Variants in SETDB1 observed in about 807,000 individuals in gnomAD.
SETDB1 encodes the protein SET domain bifurcated histone lysine methyltransferase 1.
Under a neutral mutation model 137.4 loss-of-function variants are expected in SETDB1, and 31 were observed. That is an observed-to-expected ratio of 0.23 (90% confidence interval 0.17 to 0.30). The LOEUF (loss-of-function observed/expected upper bound fraction) is 0.30. SETDB1 is among the 10% of genes least tolerant of loss of function. The pLI is 1.00. For missense variants in SETDB1, 1,113 were observed against 1,631.5 expected (o/e 0.68, Z 5.47); for synonymous variants, 548 against 579.9 (o/e 0.95, Z 0.79).
chr1:150,951,659 G>C (rs1243635463), intron 14 of SETDB1, among the ~76,000 whole-genome samples, 178 bp downstream of exon 14: 1 of 151,820 alleles, frequency 6.6e-6, no homozygotes, highest in African/African-American at 2.4e-5. Flanking sequence ...TTTTTTCTTG[G>C]ACCTTCCTTG....
At chr1:150,946,337 A>G (rs1670327541) in intron 9 of SETDB1, among the ~76,000 whole-genome samples, 2 of 151,828 alleles carry the variant, frequency 1.3e-5, no homozygotes, top group Admixed American at 1.3e-4. Context: ...TCTTATACTC[A>G]GTATAGATAT....
rs751003853 is a variant in SETDB1 at position 150,949,107 on chromosome 1, T to C, written c.1268-15T>C. ...GCTATCATCTTCTCAGTGCTCAATT[T>C]CCTTTTTCCTATAGGTGCTGTGAGG... On this transcript the variant is annotated splice_polypyrimidine_tract_variant and intron_variant, in intron 10 of 21. Coordinates refer to ENST00000692827, the MANE Select transcript of SETDB1 (RefSeq NM_001366418.1). 2 of 1,607,348 alleles carry C rather than the reference T, an allele frequency of 1.2e-6. No individual in the cohort carries two copies. Among genetic ancestry groups the C allele is most frequent in the Non-Finnish European group, 1.7e-6 (2 of 1,175,388 alleles).
intron 12 of SETDB1, 80 bp downstream of exon 12, chr1:150,949,605 G>A (rs964627095): frequency 5.5e-6 from 7 of 1,284,032 alleles, no homozygotes; most frequent in South Asian, 4.0e-5. Flanking sequence ...GGCTGTAAGC[G>A]AAGGGCTTAG....
At chr1:150,963,477 A>G in intron 19 of SETDB1, 53 bp from the exon 20 acceptor site, 4 of 1,383,264 alleles carry the variant, frequency 2.9e-6, no homozygotes, top group Admixed American at 1.9e-5. Context: ...TCATGATAGA[A>G]TGTCTGTTCA....
chr1:150,940,075 A>G, intron 4 of SETDB1, 101 bp downstream of exon 4: 1 of 788,350 alleles, frequency 1.3e-6, no homozygotes, highest in Non-Finnish European at 2.2e-6. Context: ...GTATCTAATC[A>G]TTCACCCTGT....
At chr1:150,935,425 GT>G (rs1049808602) in intron 3 of SETDB1, among the ~76,000 whole-genome samples, 5 of 148,506 alleles carry the variant, frequency 3.4e-5, no homozygotes, top group Middle Eastern at 3.5e-3. Flanking sequence ...TTTCTTCATG[GT>G]TTTTTTTTTC....
chr1:150,942,500 ACCT>A, intron 5 of SETDB1, 60 bp from the exon 6 acceptor site: 1 of 1,456,986 alleles, frequency 6.9e-7, no homozygotes, highest in Non-Finnish European at 9.4e-7. Context: ...TACCCTCTTT[ACCT>A]TCCCGTTCTC....
intron 2 of SETDB1, among the ~76,000 whole-genome samples, chr1:150,928,771 T>C (rs1197385199): frequency 6.8e-6 from 1 of 147,902 alleles, no homozygotes; most frequent in Non-Finnish European, 1.5e-5. Context: ...CAGGCCCCAG[T>C]ATGTGACGTT....
chr1:150,958,254 CTTTTTT>C (rs374122454), intron 14 of SETDB1, among the ~76,000 whole-genome samples: 4 of 94,070 alleles, frequency 4.3e-5, no homozygotes, highest in Admixed American at 1.3e-4. Context: ...TTTCTTTTTT[CTTTTTT>C]TTTTTTTTTG....
In SETDB1 at chr1:150,950,910, A is replaced by G. The variant is rs1558022046; in HGVS notation, c.2036A>G (p.Tyr679Cys). 1.9e-6 allele frequency: 3 copies of G among 1,613,886 alleles called. No individual in the cohort carries two copies. The highest frequency in any genetic ancestry group is 2.5e-6 in the Non-Finnish European group (3 of 1,179,980). Residue 679 changes from tyrosine to cysteine, a missense_variant, in exon 13 of 22, where the codon TAT becomes TGT. By Grantham distance (194) the Tyr-to-Cys change is radical (BLOSUM62 -2). Coordinates refer to ENST00000692827, the MANE Select transcript of SETDB1 (RefSeq NM_001366418.1). ...RKFQPYKPFYYILDITYGKED... is the reference protein window; with the variant it reads ...RKFQPYKPFYCILDITYGKED... The stretch of plus-strand genomic sequence containing the variant: ...TTTCAGCCCTATAAGCCTTTTTACT[A>G]TATTTTGGACATCACTTATGGGAAG...
rs749390534 is a variant in SETDB1 at position 150,962,703 on chromosome 1, C to T, written c.3278C>T (p.Ala1093Val). The change falls in exon 18 of 22, where the codon GCT becomes GTT. Residue 1093 changes from alanine to valine, a missense_variant. Coordinates refer to ENST00000692827, the MANE Select transcript of SETDB1 (RefSeq NM_001366418.1). ...CAAAGCCGAAGACTCATGGCTTCTG[C>T]TCAGTCCAACCCTGATGTAAGTCAC... The part of the protein sequence containing the change: ...MHQSRRLMAS[A>V]QSNPDDVLTL... The T allele has an allele frequency of 1.9e-6, 3 of 1,614,022 alleles. No homozygotes were observed. Among genetic ancestry groups the T allele is most frequent in the African/African-American group, 2.7e-5 (2 of 74,896 alleles).
rs1670475589 is a variant in SETDB1, at chr1:150,950,967, T to C, written c.2093T>C (p.Ile698Thr). ...GTTCCCCTATCCTGTGTCAATGAGA[T>C]TGACACAACCCCTCCACCCCAGGTG... ...EDVPLSCVNE[I>T]DTTPPPQVAY... The change falls in exon 13 of 22, where the codon ATT (isoleucine) becomes ACT (threonine). Residue 698 changes from isoleucine to threonine, a missense_variant. By Grantham distance (89) the Ile-to-Thr change is moderately conservative. Coordinates refer to ENST00000692827, the MANE Select transcript of SETDB1 (RefSeq NM_001366418.1). 1.2e-6 allele frequency: 2 copies of C among 1,613,998 alleles called. No individual in the cohort carries two copies. Among genetic ancestry groups the C allele is most frequent in the African/African-American group, 1.3e-5 (1 of 74,898 alleles).
In SETDB1 at chr1:150,929,909, CTA is replaced by C. The variant is rs1310741778; in HGVS notation, c.261-54_261-53del. On this transcript the variant is annotated intron_variant, in intron 2 of 21. Transcript: ENST00000692827. ...AAATATATATACATCGTAATGGATT[CTA>C]TATCTCTTAATTCCTCTACTGGCTT... The C allele has an allele frequency of 1.7e-5, 24 of 1,424,544 alleles. No homozygotes were observed. The African/African-American group carries it at 3.3e-4, about 19-fold the overall frequency. 88.2% of individuals were successfully genotyped at this position (1,424,544 alleles called of 1,614,324 possible).
rs1558029191 is a variant in SETDB1 at position 150,963,978 on chromosome 1, T to C, written c.3673-17T>C. The C allele has an allele frequency of 6.2e-7, 1 of 1,611,182 alleles. No individual in the cohort carries two copies. The highest frequency in any genetic ancestry group is 8.5e-7 in the Non-Finnish European group (1 of 1,177,278). ...AGTTTCCCTGGTTCTTATTTGATCC[T>C]GTCCTTAAACCTACAGCACAGTTGC... On this transcript the variant is annotated splice_polypyrimidine_tract_variant and intron_variant, in intron 20 of 21. Transcript: ENST00000692827.
chr1:150,963,903 G>A, intron 20 of SETDB1, 92 bp from the exon 21 acceptor site: 3 of 1,328,738 alleles, frequency 2.3e-6, no homozygotes, highest in South Asian at 1.2e-5. Context: ...GGGAGGGTCA[G>A]ATGGCATCAT....
chr1:150,929,911 A>C, intron 2 of SETDB1, 56 bp from the exon 3 acceptor site: 2 of 1,451,990 alleles, frequency 1.4e-6, no homozygotes, highest in Middle Eastern at 2.0e-4. Context: ...AATGGATTCT[A>C]TATCTCTTAA....
In SETDB1 at chr1:150,956,258, C is replaced by T. The variant is rs913025319; in HGVS notation, c.2334-2920C>T. ...AAAATTAGCCATGTGCGGTGGCAGG[C>T]GCCTGTAATCCCAGCTACTCCAGAG... On this transcript the variant is annotated intron_variant, in intron 14 of 21. Coordinates refer to ENST00000692827, the MANE Select transcript of SETDB1 (RefSeq NM_001366418.1). 7.3e-5 allele frequency among the ~76,000 whole-genome samples: 11 copies of T among 151,390 alleles called. 1 individual carries two copies. The East Asian group carries it at 1.9e-3, about 27-fold the overall frequency.
At chr1:150,936,129 G>A (rs1340319953) in intron 3 of SETDB1, among the ~76,000 whole-genome samples, 3 of 151,690 alleles carry the variant, frequency 2.0e-5, no homozygotes, top group Non-Finnish European at 2.9e-5. Context: ...TGGGACTACA[G>A]GTGCCCGCCA....
chr1:150,926,947 G>A (rs9988521), intron 1 of SETDB1: 13,743 of 437,838 alleles, frequency 0.031, 1,645 homozygotes, highest in African/African-American at 0.26. Flanking sequence ...AATATAAGGG[G>A]AACAAGTAAT....
Sources: gnomAD v4.1 joint callset for allele counts (sites outside exome capture counted in the v4.1 genomes callset) on GRCh38, gnomAD v4.1.1 for gene constraint, MANE v1.5 for transcripts, NCBI Gene and HGNC (gene_info 2026-07-23, HGNC 2026-07-21) for gene names.